PTPRN2: variants seen among roughly 807,000 people sequenced by gnomAD.
The protein encoded by PTPRN2 is receptor-type tyrosine-protein phosphatase N2.
PTPRN2 carries 74 observed loss-of-function variants against 118.8 expected under a neutral mutation model. The ratio of observed to expected loss-of-function variants is 0.62; its 90% CI spans 0.52 to 0.76. PTPRN2 has a LOEUF of 0.76. Among genes scored for constraint, PTPRN2 ranks in the 30% least tolerant of loss-of-function variants. The pLI, the probability that PTPRN2 is intolerant of heterozygous loss-of-function variation, is 0.00. For synonymous variants in PTPRN2, 641 were observed against 608.0 expected, an observed-to-expected ratio of 1.05 and a Z score of -0.80; for missense variants, 1,481 against 1,394.4, an observed-to-expected ratio of 1.06 and a Z score of -0.99.
Position 158,313,067 on chromosome 7 carries a change from C to T in PTPRN2, c.277+3752G>A, listed in dbSNP as rs188406743. Among the ~76,000 whole-genome samples, 16 of 151,610 alleles carry T rather than the reference C, an allele frequency of 1.1e-4. No homozygotes were observed. In the East Asian group the frequency reaches 1.4e-3, roughly 13 times the overall value. ...GTGAATGTGTGTGCAGGTTTGTCTG[C>T]GTGTGGGTATCTACATGTGAGCATG... On this transcript the variant is annotated intron_variant, in intron 3 of 22. Coordinates refer to ENST00000389418, the MANE Select transcript of PTPRN2 (RefSeq NM_002847.5).
At chr7:158,053,703 C>T (rs113462411) in intron 11 of PTPRN2, among the ~76,000 whole-genome samples, 123 of 149,480 alleles carry the variant, frequency 8.2e-4, no homozygotes, top group African/African-American at 3.0e-3. Flanking sequence ...TGCAGAGACC[C>T]CAGAGATGCA....
chr7:157,696,820 C>T (rs1797808289), intron 12 of PTPRN2, among the ~76,000 whole-genome samples: 3 of 122,760 alleles, frequency 2.4e-5, no homozygotes, highest in South Asian at 3.1e-4. Flanking sequence ...ACCATCTACA[C>T]ATGCATACTG....
intron 12 of PTPRN2, among the ~76,000 whole-genome samples, chr7:157,693,559 C>A (rs942235270): frequency 6.6e-6 from 1 of 152,100 alleles, no homozygotes; most frequent in East Asian, 1.9e-4. Context: ...GTCTTCCCAG[C>A]GACCCGGAGC....
At chr7:158,071,450 C>CCTG (rs1554528403) in intron 11 of PTPRN2, among the ~76,000 whole-genome samples, 7 of 26,876 alleles carry the variant, frequency 2.6e-4, no homozygotes, top group East Asian at 1.2e-3. Context: ...TGGAGGTGCT[C>CCTG]GTGGTTGAGG....
chr7:157,756,862 T>A (rs1467640005), intron 12 of PTPRN2, among the ~76,000 whole-genome samples: 3 of 151,582 alleles, frequency 2.0e-5, no homozygotes, highest in African/African-American at 7.3e-5. Context: ...TCGCTTTCCA[T>A]GTCATTATTC....
At chr7:158,443,567 G>A (rs941206377) in intron 2 of PTPRN2, among the ~76,000 whole-genome samples, 11 of 152,074 alleles carry the variant, frequency 7.2e-5, no homozygotes, top group African/African-American at 1.2e-4. Flanking sequence ...GAGGAGCGGC[G>A]TGGGGCGACT....
At chr7:158,514,300 C>T (rs536815426) in intron 1 of PTPRN2, among the ~76,000 whole-genome samples, 22 of 152,234 alleles carry the variant, frequency 1.4e-4, no homozygotes, top group East Asian at 5.8e-4. Context: ...GGGATGGCCA[C>T]GAAGGGGAGC....
At chr7:158,273,697 A>G (rs1437322947) in intron 3 of PTPRN2, among the ~76,000 whole-genome samples, 17 of 126,766 alleles carry the variant, frequency 1.3e-4, no homozygotes, top group African/African-American at 5.0e-4. Flanking sequence ...GGAGCCGCAG[A>G]CACAGGGGGA....
intron 1 of PTPRN2, among the ~76,000 whole-genome samples, chr7:158,538,648 G>T (rs1257917119): frequency 2.0e-5 from 3 of 152,152 alleles, no homozygotes; most frequent in African/African-American, 7.2e-5. Context: ...CCTGACAGTG[G>T]CCTCCCATCC....
Position 157,613,406 on chromosome 7 carries a change from G to A in PTPRN2, c.2344+7956C>T, listed in dbSNP as rs116248571. ...ACACGGGCGGAGGCGGGTCCGGGCG[G>A]GCCCCACGTCGCGCAGCCTCAGCGT... On this transcript the variant is annotated intron_variant, in intron 15 of 22. Coordinates refer to ENST00000389418, the MANE Select transcript of PTPRN2 (RefSeq NM_002847.5). Among the ~76,000 whole-genome samples the A allele has an allele frequency of 1.9e-3, 292 of 152,338 alleles. 1 individual carries two copies. Among genetic ancestry groups the A allele is most frequent in the African/African-American group, 6.4e-3 (268 of 41,582 alleles).
intron 1 of PTPRN2, among the ~76,000 whole-genome samples, chr7:158,573,152 T>C (rs540029869): frequency 4.1e-4 from 63 of 152,358 alleles, no homozygotes; most frequent in African/African-American, 1.4e-3. Context: ...TGGGAATTAA[T>C]GATCATCCTC....
chr7:158,105,773 A>G (rs1458138288), intron 10 of PTPRN2, among the ~76,000 whole-genome samples: 1 of 151,206 alleles, frequency 6.6e-6, no homozygotes, highest in African/African-American at 2.4e-5. Flanking sequence ...ATCCAGATGC[A>G]TGCCCTGCTT....
intron 1 of PTPRN2, among the ~76,000 whole-genome samples, chr7:158,578,803 C>T (rs1159667642): frequency 6.6e-6 from 1 of 151,952 alleles, no homozygotes; most frequent in Non-Finnish European, 1.5e-5. Context: ...CCCTCTGTTG[C>T]CCAGGCTGCA....
chr7:158,062,483 C>A (rs2128908152), intron 11 of PTPRN2, among the ~76,000 whole-genome samples: 1 of 152,354 alleles, frequency 6.6e-6, no homozygotes, highest in East Asian at 1.9e-4. Context: ...GCTTGAGGAG[C>A]CCTTCAGCTC....
At chr7:157,883,270 GACTGTCA>G (rs1796256275) in intron 12 of PTPRN2, among the ~76,000 whole-genome samples, 1 of 145,370 alleles carries the variant, frequency 6.9e-6, no homozygotes, top group Non-Finnish European at 1.5e-5. Context: ...ACCCGAAAAT[GACTGTCA>G]GAGAACAGAA....
At chr7:158,280,031 G>A (rs1252543354) in intron 3 of PTPRN2, among the ~76,000 whole-genome samples, 3 of 148,264 alleles carry the variant, frequency 2.0e-5, no homozygotes, top group East Asian at 2.0e-4. Flanking sequence ...AGAGCCCCGC[G>A]GCGGCCCCCA....
chr7:157,761,231 A>C (rs1802106432), intron 12 of PTPRN2, among the ~76,000 whole-genome samples: 1 of 152,150 alleles, frequency 6.6e-6, no homozygotes, highest in Non-Finnish European at 1.5e-5. Context: ...CTTTCTTCAC[A>C]GAATTGGAAA....
At chr7:158,273,194 G>C (rs761455983) in intron 3 of PTPRN2, among the ~76,000 whole-genome samples, 1 of 152,188 alleles carries the variant, frequency 6.6e-6, no homozygotes, top group Non-Finnish European at 1.5e-5. Flanking sequence ...TCCTAGGACA[G>C]GGCACGTGGA....
At chr7:157,955,991 G>A (rs1253450678) in intron 11 of PTPRN2, among the ~76,000 whole-genome samples, 2 of 152,214 alleles carry the variant, frequency 1.3e-5, no homozygotes, top group African/African-American at 2.4e-5. Flanking sequence ...TCTGACAGGT[G>A]CGTTTTCTCA....
Sources: gnomAD v4.1 joint callset for allele counts (sites outside exome capture counted in the v4.1 genomes callset) on GRCh38, gnomAD v4.1.1 for gene constraint, MANE v1.5 for transcripts, NCBI Gene and HGNC (gene_info 2026-07-23, HGNC 2026-07-21) for gene names.